The following EDIL3 variants were observed in gnomAD, a reference collection of about 807,000 sequenced individuals.
The protein encoded by EDIL3 is EGF-like repeat and discoidin I-like domain-containing protein 3.
Under a neutral mutation model 67.4 loss-of-function variants are expected in EDIL3, and 37 were observed. The ratio of observed to expected loss-of-function variants is 0.55; its 90% CI spans 0.42 to 0.72. EDIL3 has a LOEUF of 0.72. Among genes scored for constraint, EDIL3 ranks in the 30% least tolerant of loss-of-function variants. EDIL3 has a pLI of 0.00. For missense variants in EDIL3, 527 were observed against 586.3 expected (o/e 0.90, Z 1.04); for synonymous variants, 195 against 196.3 (o/e 0.99, Z 0.05).
intron 9 of EDIL3, among the ~76,000 whole-genome samples, chr5:83,969,616 T>C (rs563226033): frequency 6.6e-6 from 1 of 151,836 alleles, no homozygotes; most frequent in South Asian, 2.1e-4. Flanking sequence ...TGTTTCCTTA[T>C]AGACACTAAG....
At chr5:84,357,314 T>C (rs966545400) in intron 1 of EDIL3, among the ~76,000 whole-genome samples, 1 of 152,200 alleles carries the variant, frequency 6.6e-6, no homozygotes, top group Non-Finnish European at 1.5e-5. Flanking sequence ...GTACTACCTG[T>C]GGTCCATGTT....
rs1158703351 is a variant in EDIL3 at position 84,106,327 on chromosome 5, A to G, written c.651+322T>C. On this transcript the variant is annotated intron_variant, in intron 6 of 10. Transcript: ENST00000296591. ...ATAATTTTTATGTTCTTAAAGTATC[A>G]TAAGTTGCTGCTAAACGTTATCACA... Among the ~76,000 whole-genome samples, 4 of 152,262 alleles carry G rather than the reference A, an allele frequency of 2.6e-5. No homozygotes were observed. The East Asian group carries it at 5.8e-4, about 22-fold the overall frequency.
rs541296033 is a variant in EDIL3, at chr5:84,013,868, T to A, written c.1137+46432A>T. ...GTACCAAAATATGGAGTCATTTAAA[T>A]TAATTTGGTTGAAAAGTTGGTCATC... On this transcript the variant is annotated intron_variant, in intron 9 of 10. Transcript: ENST00000296591. Among the ~76,000 whole-genome samples the A allele has an allele frequency of 7.2e-5, 11 of 152,322 alleles. No homozygotes were observed. In the South Asian group the frequency reaches 2.3e-3, roughly 32 times the overall value.
intron 3 of EDIL3, among the ~76,000 whole-genome samples, chr5:84,183,499 C>T (rs766071626): frequency 5.3e-5 from 8 of 151,902 alleles, no homozygotes; most frequent in Non-Finnish European, 8.8e-5. Flanking sequence ...TAATTTTAAG[C>T]AAATAAGAGT....
chr5:84,136,568 C>G (rs1369514325), intron 5 of EDIL3, among the ~76,000 whole-genome samples: 1 of 152,028 alleles, frequency 6.6e-6, no homozygotes, highest in Non-Finnish European at 1.5e-5. Context: ...ATTTCAAGAC[C>G]CTACTTTCTT....
chr5:83,963,780 T>A (rs1406726993), intron 9 of EDIL3, among the ~76,000 whole-genome samples: 1 of 151,554 alleles, frequency 6.6e-6, no homozygotes, highest in Non-Finnish European at 1.5e-5. Context: ...GTCATTTCAA[T>A]GAAAATAAAA....
At chr5:84,196,593 C>G (rs1370090495) in intron 3 of EDIL3, among the ~76,000 whole-genome samples, 1 of 151,930 alleles carries the variant, frequency 6.6e-6, no homozygotes, top group Non-Finnish European at 1.5e-5. Flanking sequence ...GATGTGAGGA[C>G]ATAGAACTTT....
At chr5:84,130,833 T>C (rs189894941) in intron 5 of EDIL3, among the ~76,000 whole-genome samples, 186 of 152,262 alleles carry the variant, frequency 1.2e-3, no homozygotes, top group Middle Eastern at 3.4e-3. Flanking sequence ...TTGTAGTTCA[T>C]ATGTTTTGAT....
chr5:84,024,530 T>C (rs941498542), intron 9 of EDIL3, among the ~76,000 whole-genome samples: 3 of 152,118 alleles, frequency 2.0e-5, no homozygotes, highest in Admixed American at 6.6e-5. Context: ...CCTGTTGTCA[T>C]TGACCCCACA....
chr5:84,220,371 T>C (rs1240469858), intron 3 of EDIL3, among the ~76,000 whole-genome samples: 1 of 152,174 alleles, frequency 6.6e-6, no homozygotes, highest in Non-Finnish European at 1.5e-5. Context: ...ATGGGGTAGT[T>C]GGGATTTTAA....
At chr5:84,352,462 C>A (rs898126554) in intron 1 of EDIL3, among the ~76,000 whole-genome samples, 1 of 152,082 alleles carries the variant, frequency 6.6e-6, no homozygotes, top group Admixed American at 6.6e-5. Context: ...GGATTCTATG[C>A]AGCCATAAAA....
At chr5:84,156,355 G>T (rs754947971) in intron 4 of EDIL3, among the ~76,000 whole-genome samples, 2 of 152,142 alleles carry the variant, frequency 1.3e-5, no homozygotes, top group Non-Finnish European at 2.9e-5. Context: ...ACTAGGCAGA[G>T]AATAGCTTCT....
In EDIL3 at chr5:83,965,484, T is replaced by C. The variant is rs560824443; in HGVS notation, c.1138-2124A>G. ...GAAAAAAAAGTCTTAAAGAACAGAG[T>C]TGGTGTTTTGCTATCACAGGCAGTC... is the stretch of plus-strand genomic sequence containing the variant. On this transcript the variant is annotated intron_variant, in intron 9 of 10. Transcript: ENST00000296591. Among the ~76,000 whole-genome samples the C allele has an allele frequency of 2.0e-4, 31 of 152,052 alleles. No homozygotes were observed. In the South Asian group the frequency reaches 3.9e-3, roughly 19 times the overall value.
chr5:84,136,342 G>A (rs879547462), intron 5 of EDIL3, among the ~76,000 whole-genome samples: 8 of 152,206 alleles, frequency 5.3e-5, no homozygotes, highest in East Asian at 1.9e-4. Flanking sequence ...CATCGAAGCA[G>A]TAGCAGTATG....
chr5:83,955,588 T>C (rs113170676), intron 10 of EDIL3, among the ~76,000 whole-genome samples: 1 of 151,758 alleles, frequency 6.6e-6, no homozygotes. Flanking sequence ...GTTTTCTGCT[T>C]TCTCCATAAA....
intron 4 of EDIL3, among the ~76,000 whole-genome samples, chr5:84,154,565 T>C (rs1308145293): frequency 1.3e-5 from 2 of 151,810 alleles, no homozygotes; most frequent in South Asian, 2.1e-4. Flanking sequence ...AGTTTTTTTT[T>C]CTGGAATATT....
At chr5:84,279,901 A>C (rs1333634620) in intron 1 of EDIL3, among the ~76,000 whole-genome samples, 1 of 152,154 alleles carries the variant, frequency 6.6e-6, no homozygotes, top group Non-Finnish European at 1.5e-5. Flanking sequence ...TGATACACCC[A>C]GTACTTAATC....
At chr5:84,218,807 C>T (rs1023177302) in intron 3 of EDIL3, among the ~76,000 whole-genome samples, 1 of 152,006 alleles carries the variant, frequency 6.6e-6, no homozygotes, top group Admixed American at 6.6e-5. Flanking sequence ...GCAGTGGTGG[C>T]CATGGGGAGA....
chr5:84,308,311 A>T (rs1746313686), intron 1 of EDIL3, among the ~76,000 whole-genome samples: 1 of 152,198 alleles, frequency 6.6e-6, no homozygotes, highest in South Asian at 2.1e-4. Flanking sequence ...AATGGCCTGG[A>T]GGATATGCAA....
Sources: allele counts gnomAD v4.1 joint callset (sites outside exome capture counted in the v4.1 genomes callset), GRCh38; gene constraint gnomAD v4.1.1; transcripts MANE v1.5; gene names NCBI Gene and HGNC (gene_info 2026-07-23, HGNC 2026-07-21).